Variants in DAPK2 observed in about 807,000 individuals in gnomAD.
DAPK2 encodes the protein death associated protein kinase 2.
A neutral mutation model predicts 44.1 loss-of-function variants in DAPK2; 35 were observed. The ratio of observed to expected loss-of-function variants is 0.79; its 90% CI spans 0.61 to 1.05. The LOEUF (loss-of-function observed/expected upper bound fraction) is 1.05, where lower values mean the gene tolerates loss of function less well. DAPK2 is among the 50% of genes least tolerant of loss of function. The probability of loss-of-function intolerance (pLI) is 0.00; values close to 1 mark genes in which losing one functional copy is unlikely to be tolerated. For synonymous variants in DAPK2, 174 were observed against 182.6 expected (o/e 0.95, Z 0.38); for missense variants, 453 against 483.2 (o/e 0.94, Z 0.59).
intron 7 of DAPK2, among the ~76,000 whole-genome samples, 169 bp from the exon 9 acceptor site, chr15:63,925,030 A>G (rs765194816): frequency 6.6e-6 from 1 of 152,126 alleles, no homozygotes; most frequent in African/African-American, 2.4e-5. Context: ...CAAATCCTGC[A>G]CTCCAGGGGA....
At chr15:63,997,688 C>T (rs1037315898) in intron 1 of DAPK2, among the ~76,000 whole-genome samples, 19 of 152,216 alleles carry the variant, frequency 1.2e-4, no homozygotes, top group African/African-American at 4.1e-4. Context: ...CTCTAGAAAA[C>T]CCACCCATCA....
At chr15:63,964,858 T>C (rs968330530) in intron 3 of DAPK2, among the ~76,000 whole-genome samples, 2 of 152,208 alleles carry the variant, frequency 1.3e-5, no homozygotes, top group African/African-American at 2.4e-5. Flanking sequence ...CTCTGTGTTA[T>C]CTTGATTTTC....
In DAPK2 at chr15:63,968,172, T is replaced by C. The variant is rs940773109; in HGVS notation, c.453+3251A>G. ...GACAGAATGTTCCAGCCAGGAGGCA[T>C]GCATACCCACATTCTGGCTCCAGGA... On this transcript the variant is annotated intron_variant, in intron 3 of 10. Transcript: ENST00000261891. 2.2e-4 allele frequency among the ~76,000 whole-genome samples: 34 copies of C among 152,346 alleles called. No individual in the cohort carries two copies. In the South Asian group the frequency reaches 5.8e-3, roughly 26 times the overall value.
chr15:64,026,093 G>T lies in DAPK2; in HGVS notation c.92+14077C>A, dbSNP rs370267338. Among the ~76,000 whole-genome samples, 11 of 152,306 alleles carry T rather than the reference G, an allele frequency of 7.2e-5. No individual in the cohort carries two copies. The South Asian group carries it at 1.2e-3, about 17-fold the overall frequency. ...TGTGGACGGCTGACTGGGGGTGAGG[G>T]GCAATCTTGAGAAGAGAGGCTGGCG... On this transcript the variant is annotated intron_variant, in intron 1 of 10. Coordinates refer to ENST00000261891, the Ensembl canonical transcript of DAPK2.
chr15:64,036,319 GTATA>G (rs57218056), intron 1 of DAPK2, among the ~76,000 whole-genome samples: 4 of 56,666 alleles, frequency 7.1e-5, no homozygotes, highest in Admixed American at 2.7e-4. Context: ...GTATATATAT[GTATA>G]TATATATATA....
intron 1 of DAPK2, among the ~76,000 whole-genome samples, chr15:63,999,342 C>A (rs1384182291): frequency 6.6e-6 from 1 of 152,160 alleles, no homozygotes; most frequent in Non-Finnish European, 1.5e-5. Context: ...GACAGTTCTG[C>A]CCCCACAGCT....
intron 3 of DAPK2, among the ~76,000 whole-genome samples, chr15:63,964,005 A>C (rs2077983756): frequency 6.6e-6 from 1 of 152,132 alleles, no homozygotes; most frequent in Non-Finnish European, 1.5e-5. Flanking sequence ...CAGTGTTATG[A>C]TATTCTGTGT....
At chr15:63,953,130 C>T (rs763724471) in intron 3 of DAPK2, among the ~76,000 whole-genome samples, 3 of 151,840 alleles carry the variant, frequency 2.0e-5, no homozygotes, top group African/African-American at 4.8e-5. Context: ...TACCTCACCC[C>T]CCTCCCACCC....
chr15:64,038,727 T>A (rs575787686), intron 1 of DAPK2, among the ~76,000 whole-genome samples: 1 of 150,438 alleles, frequency 6.6e-6, no homozygotes, highest in South Asian at 2.1e-4. Flanking sequence ...GACATAAGAG[T>A]TCTATAAAGG....
intron 1 of DAPK2, among the ~76,000 whole-genome samples, chr15:64,027,038 G>A (rs2079867524): frequency 1.3e-5 from 2 of 152,128 alleles, no homozygotes; most frequent in African/African-American, 4.8e-5. Flanking sequence ...GAGCCCAGGA[G>A]TTCAAGACCA....
intron 1 of DAPK2, among the ~76,000 whole-genome samples, chr15:64,006,332 G>A (rs1296462336): frequency 6.6e-6 from 1 of 152,164 alleles, no homozygotes; most frequent in Non-Finnish European, 1.5e-5. Context: ...CAGAATGTCA[G>A]CCTTTACCAT....
chr15:64,023,582 T>C (rs534800137), intron 1 of DAPK2, among the ~76,000 whole-genome samples: 3 of 152,330 alleles, frequency 2.0e-5, no homozygotes, highest in Admixed American at 2.0e-4. Context: ...GTGTCTCAAG[T>C]ACCATTTTGA....
At chr15:63,998,144 C>T (rs144425356) in intron 1 of DAPK2, among the ~76,000 whole-genome samples, 2 of 152,300 alleles carry the variant, frequency 1.3e-5, no homozygotes, top group East Asian at 3.9e-4. Flanking sequence ...GAAGTGGTTT[C>T]TGATTGATGA....
intron 1 of DAPK2, among the ~76,000 whole-genome samples, chr15:64,002,973 C>CGT (rs1567266632): frequency 0.028 from 2,103 of 75,494 alleles, 179 homozygotes; most frequent in African/African-American, 0.11. Flanking sequence ...TGTCGTGGGA[C>CGT]CTGTGTGTGT....
chr15:63,983,141 C>T (rs2078571334), intron 2 of DAPK2, among the ~76,000 whole-genome samples: 1 of 152,220 alleles, frequency 6.6e-6, no homozygotes, highest in Admixed American at 6.5e-5. Context: ...CCTCATAGTA[C>T]ACAGCCCTCG....
chr15:63,930,477 A>C, intron 4 of DAPK2, 22 bp from the exon 6 acceptor site: 1 of 1,612,038 alleles, frequency 6.2e-7, no homozygotes, highest in Non-Finnish European at 8.5e-7. Context: ...CATATTAAAT[A>C]GTCAACATGA....
At chr15:64,000,984 A>T (rs1261536743) in intron 1 of DAPK2, among the ~76,000 whole-genome samples, 2 of 151,870 alleles carry the variant, frequency 1.3e-5, no homozygotes, top group Non-Finnish European at 2.9e-5. Context: ...GGTTCAAGCG[A>T]TTCTCCTGCC....
At chr15:63,956,526 G>A (rs141439722) in intron 3 of DAPK2, among the ~76,000 whole-genome samples, 19 of 150,948 alleles carry the variant, frequency 1.3e-4, no homozygotes, top group Middle Eastern at 3.4e-3. Flanking sequence ...AAAATTCCTC[G>A]TTATTATTTT....
intron 3 of DAPK2, among the ~76,000 whole-genome samples, chr15:63,949,951 C>G (rs1228593921): frequency 6.6e-6 from 1 of 151,996 alleles, no homozygotes; most frequent in Non-Finnish European, 1.5e-5. Context: ...AATTTTTTTC[C>G]CAATAAAAAG....
Sources: allele counts gnomAD v4.1 joint callset (sites outside exome capture counted in the v4.1 genomes callset), GRCh38; gene constraint gnomAD v4.1.1; transcripts MANE v1.5; gene names NCBI Gene and HGNC (gene_info 2026-07-23, HGNC 2026-07-21).